The following SLC16A7 variants were observed in gnomAD, a reference collection of about 807,000 sequenced individuals.
SLC16A7 encodes the protein monocarboxylate transporter 2.
In SLC16A7, 33 loss-of-function variants were observed where a neutral mutation model predicts 34.9. The observed-to-expected ratio is 0.94, with a 90% CI of 0.72 to 1.26. The LOEUF is 1.26. Among genes scored for constraint, SLC16A7 ranks in the 50% most tolerant of loss-of-function variants. The probability of loss-of-function intolerance (pLI) is 0.00; values close to 1 mark genes in which losing one functional copy is unlikely to be tolerated. For missense variants in SLC16A7, 573 were observed against 578.1 expected (o/e 0.99, Z 0.09); for synonymous variants, 201 against 206.6 (o/e 0.97, Z 0.23).
chr12:59,682,464 C>G (rs1209115666), intron 2 of SLC16A7, among the ~76,000 whole-genome samples: 3 of 152,068 alleles, frequency 2.0e-5, no homozygotes, highest in Non-Finnish European at 4.4e-5. Context: ...ATGATTTATT[C>G]ACTGTTCATG....
intron 1 of SLC16A7, among the ~76,000 whole-genome samples, chr12:59,606,438 T>A (rs1361032914): frequency 6.6e-6 from 1 of 152,204 alleles, no homozygotes; most frequent in Non-Finnish European, 1.5e-5. Context: ...TAGAGATATT[T>A]GTTCCAATTA....
chr12:59,774,684 C>T lies in SLC16A7; in HGVS notation c.389C>T (p.Pro130Leu). Residue 130 changes from proline to leucine, a missense_variant, in exon 5 of 6, where the codon CCC becomes CTC. Pro to Leu is a moderately conservative substitution (Grantham distance 98, BLOSUM62 -3). Transcript: ENST00000547379. ...TGLGLAFNLQ[P>L]ALTIIGKYFY... ...TTAGGTTTAGCCTTCAACCTGCAAC[C>T]CGCCTTAACCATAATTGGCAAATAC... 6.3e-7 allele frequency: 1 copy of T among 1,594,026 alleles called. No homozygotes were observed. The highest frequency in any genetic ancestry group is 1.4e-5 in the African/African-American group (1 of 73,910).
intron 1 of SLC16A7, among the ~76,000 whole-genome samples, chr12:59,609,931 T>C (rs1565616572): frequency 1.3e-5 from 2 of 152,144 alleles, no homozygotes; most frequent in Non-Finnish European, 2.9e-5. Flanking sequence ...GTGCCAAACA[T>C]ACAGTTACAG....
intron 2 of SLC16A7, among the ~76,000 whole-genome samples, chr12:59,675,424 CA>C (rs1175980384): frequency 1.3e-5 from 2 of 152,076 alleles, no homozygotes; most frequent in African/African-American, 2.4e-5. Flanking sequence ...GAGCACACAG[CA>C]AAAGAGTCCT....
chr12:59,651,426 C>T (rs892975379), intron 1 of SLC16A7, among the ~76,000 whole-genome samples: 22 of 152,060 alleles, frequency 1.4e-4, no homozygotes, highest in African/African-American at 5.3e-4. Context: ...AGTTATGCTA[C>T]TTATTAAGGA....
intron 2 of SLC16A7, among the ~76,000 whole-genome samples, chr12:59,671,591 C>T (rs1869690532): frequency 6.6e-6 from 1 of 151,308 alleles, no homozygotes; most frequent in South Asian, 2.1e-4. Context: ...GGCTTTAAGC[C>T]CATGGAGTAG....
chr12:59,744,570 C>T (rs564930632), intron 3 of SLC16A7, among the ~76,000 whole-genome samples: 41 of 152,264 alleles, frequency 2.7e-4, no homozygotes, highest in African/African-American at 5.1e-4. Flanking sequence ...AACAAGAGCT[C>T]GGGTGCCACA....
chr12:59,706,048 C>T (rs1274209737), intron 3 of SLC16A7, among the ~76,000 whole-genome samples: 1 of 152,040 alleles, frequency 6.6e-6, no homozygotes, highest in Non-Finnish European at 1.5e-5. Context: ...CTCTTTATTC[C>T]ATAGCTAAGG....
At chr12:59,609,792 C>A (rs1879110219) in intron 1 of SLC16A7, among the ~76,000 whole-genome samples, 1 of 151,978 alleles carries the variant, frequency 6.6e-6, no homozygotes, top group South Asian at 2.1e-4. Context: ...GTCTATAAAA[C>A]CTAAATTTAA....
At chr12:59,689,913 G>C (rs1371449698) in intron 2 of SLC16A7, among the ~76,000 whole-genome samples, 1 of 151,972 alleles carries the variant, frequency 6.6e-6, no homozygotes, top group Non-Finnish European at 1.5e-5. Context: ...GAAGAACCAG[G>C]GACAATTTCA....
intron 3 of SLC16A7, among the ~76,000 whole-genome samples, chr12:59,715,260 A>G (rs1874761226): frequency 1.3e-5 from 2 of 152,210 alleles, no homozygotes; most frequent in Non-Finnish European, 2.9e-5. Context: ...ATTTTAATTC[A>G]CCAAGCAATC....
At chr12:59,676,674 G>T (rs1215192871) in intron 2 of SLC16A7, among the ~76,000 whole-genome samples, 3 of 151,986 alleles carry the variant, frequency 2.0e-5, no homozygotes, top group Non-Finnish European at 2.9e-5. Context: ...AAGAATTAAA[G>T]TATGTGACAT....
intron 2 of SLC16A7, among the ~76,000 whole-genome samples, chr12:59,672,367 T>C (rs1869951278): frequency 1.3e-5 from 2 of 150,834 alleles, no homozygotes; most frequent in Non-Finnish European, 1.5e-5. Flanking sequence ...GAATACAGTT[T>C]GAAGGTATGG....
chr12:59,736,028 T>C, intron 3 of SLC16A7: 1 of 552,474 alleles, frequency 1.8e-6, no homozygotes, highest in Non-Finnish European at 2.9e-6. Flanking sequence ...TAATGTATGG[T>C]TTTAATAAGA....
At chr12:59,719,861 C>T in intron 3 of SLC16A7, 1 of 477,100 alleles carries the variant, frequency 2.1e-6, no homozygotes, top group Non-Finnish European at 3.6e-6. Context: ...CATGGCCTCC[C>T]ACGGAGTGGC....
At chr12:59,645,237 T>C (rs1314264722) in intron 1 of SLC16A7, among the ~76,000 whole-genome samples, 3 of 152,146 alleles carry the variant, frequency 2.0e-5, no homozygotes, top group African/African-American at 7.2e-5. Context: ...TTGGATGTAG[T>C]GCAAGAGAAG....
At chr12:59,750,891 A>T (rs2706282) in intron 3 of SLC16A7, among the ~76,000 whole-genome samples, 18,634 of 152,170 alleles carry the variant, frequency 0.12, 1,489 homozygotes, top group African/African-American at 0.22. Context: ...TAAAAAAAGG[A>T]TGAGTTCATG....
chr12:59,636,434 G>A (rs1013530825), intron 1 of SLC16A7, among the ~76,000 whole-genome samples: 1 of 151,812 alleles, frequency 6.6e-6, no homozygotes, highest in Non-Finnish European at 1.5e-5. Context: ...TTTACATCTG[G>A]TGACAAAAAT....
intron 1 of SLC16A7, among the ~76,000 whole-genome samples, chr12:59,639,488 ATCC>A (rs1454682220): frequency 1.3e-5 from 2 of 152,156 alleles, no homozygotes; most frequent in Non-Finnish European, 2.9e-5. Flanking sequence ...GGCTCAAGCT[ATCC>A]TCCTGCCTCA....
Sources: allele counts gnomAD v4.1 joint callset (sites outside exome capture counted in the v4.1 genomes callset), GRCh38; gene constraint gnomAD v4.1.1; transcripts MANE v1.5; gene names NCBI Gene and HGNC (gene_info 2026-07-23, HGNC 2026-07-21).